Variants in KCNQ1 observed in about 807,000 individuals in gnomAD.
KCNQ1 encodes the protein potassium voltage-gated channel subfamily KQT member 1.
In KCNQ1, 49 loss-of-function variants were observed where a neutral mutation model predicts 72.4. The observed-to-expected ratio is 0.68, with a 90% CI of 0.54 to 0.86. The LOEUF (loss-of-function observed/expected upper bound fraction) is 0.86. Among genes scored for constraint, KCNQ1 ranks in the 40% least tolerant of loss-of-function variants. The pLI, the probability that KCNQ1 is intolerant of heterozygous loss-of-function variation, is 0.00. For missense variants in KCNQ1, 790 were observed against 945.1 expected (o/e 0.84, Z 2.15); for synonymous variants, 450 against 412.6 (o/e 1.09, Z -1.10).
rs181643148 is a variant in KCNQ1 at position 2,711,067 on chromosome 11, G to A, written c.1514+48986G>A. ...TTGAATCTGTAGGTCAACTTGGGGA[G>A]TATTGCCATCTTAACAATGTGTTAA... On this transcript the variant is annotated intron_variant, in intron 11 of 15. Transcript: ENST00000155840. The surrounding 1 kb of genome is among the most constrained non-coding windows in gnomAD (Gnocchi z 5.4). Among the ~76,000 whole-genome samples, 36 of 152,356 alleles carry A rather than the reference G, an allele frequency of 2.4e-4. No homozygotes were observed. Among genetic ancestry groups the A allele is most frequent in the African/African-American group, 8.4e-4 (35 of 41,574 alleles).
In KCNQ1 at chr11:2,451,295, C is replaced by T. The variant is rs1327697855; in HGVS notation, c.386+5811C>T. Among the ~76,000 whole-genome samples, 1 of 152,170 alleles carries T rather than the reference C, an allele frequency of 6.6e-6. No individual in the cohort carries two copies. Among genetic ancestry groups the T allele is most frequent in the Admixed American group, 6.5e-5 (1 of 15,282 alleles). On this transcript the variant is annotated intron_variant, in intron 1 of 15. Coordinates refer to ENST00000155840, the MANE Select transcript of KCNQ1 (RefSeq NM_000218.3). The surrounding 1 kb of genome is among the most constrained non-coding windows in gnomAD (Gnocchi z 6.4). ...GCGTGCAACCTAGATCCCTTGTGTG[C>T]GCAGTTCACAATAGGATTTGTGCTC...
rs1165780426 is a variant in KCNQ1, at chr11:2,549,593, GGAC to G, written c.478-21034_478-21032del. Reference sequence around the variant, plus strand: ...TCGTGACCTGCTCATAGCACAGCTGGGACACTTCCAGTGACTGCTCTGCGAGGC... The same window carrying G: ...TCGTGACCTGCTCATAGCACAGCTGGACTTCCAGTGACTGCTCTGCGAGGC... On this transcript the variant is annotated intron_variant, in intron 2 of 15. Coordinates refer to ENST00000155840, the MANE Select transcript of KCNQ1 (RefSeq NM_000218.3). This position sits in a 1 kb window ranked among gnomAD's most constrained non-coding sequence, Gnocchi z 6.2. Among the ~76,000 whole-genome samples, 1 of 151,608 alleles carries G rather than the reference GGAC, an allele frequency of 6.6e-6. No individual in the cohort carries two copies.
Position 2,566,426 on chromosome 11 carries a change from C to T in KCNQ1, c.478-4202C>T, listed in dbSNP as rs566565619. Among the ~76,000 whole-genome samples, 5 of 152,276 alleles carry T rather than the reference C, an allele frequency of 3.3e-5. No individual in the cohort carries two copies. The highest frequency in any genetic ancestry group is 2.0e-4 in the Admixed American group (3 of 15,300). On this transcript the variant is annotated intron_variant, in intron 2 of 15. Coordinates refer to ENST00000155840, the MANE Select transcript of KCNQ1 (RefSeq NM_000218.3). The surrounding 1 kb of genome is among the most constrained non-coding windows in gnomAD (Gnocchi z 6.7). ...TGCCATGGACGCCAGTCTTCCCTCC[C>T]CTAAGCTGCGGGTGACCTGACCTAG...
chr11:2,693,270 T>A lies in KCNQ1; in HGVS notation c.1514+31189T>A, dbSNP rs1850618110. 7.5e-6 allele frequency: 3 copies of A among 398,546 alleles called. No individual in the cohort carries two copies. The South Asian group carries it at 3.8e-4, about 51-fold the overall frequency. 24.7% of individuals were successfully genotyped at this position (398,546 alleles called of 1,614,324 possible). ...CTGTACAGCTACCAGGCTTAACAAC[T>A]CAGATGCACACCCTCCACAACTGCT... is the stretch of plus-strand genomic sequence containing the variant. On this transcript the variant is annotated intron_variant, in intron 11 of 15. Coordinates refer to ENST00000155840, the MANE Select transcript of KCNQ1 (RefSeq NM_000218.3).
In KCNQ1 at chr11:2,494,067, C is replaced by T. The variant is rs534538150; in HGVS notation, c.387-33861C>T. Among the ~76,000 whole-genome samples the T allele has an allele frequency of 2.4e-4, 37 of 152,200 alleles. 1 individual carries two copies. In the South Asian group the frequency reaches 5.6e-3, roughly 23 times the overall value. On this transcript the variant is annotated intron_variant, in intron 1 of 15. Transcript: ENST00000155840. The surrounding 1 kb of genome is among the most constrained non-coding windows in gnomAD (Gnocchi z 4.6). ...CTCCTTGAAGAGGTCCTTCACATCC[C>T]TTGTAAGTTGTATTCCTAGGTATTT...
At chr11:2,730,384 G>T (rs1027971091) in intron 11 of KCNQ1, among the ~76,000 whole-genome samples, 4 of 152,222 alleles carry the variant, frequency 2.6e-5, no homozygotes, top group African/African-American at 9.6e-5. Context: ...CTACATTCAA[G>T]GAGCCAGCAG....
In KCNQ1 at chr11:2,655,476, C is replaced by G. The variant is rs1054716100; in HGVS notation, c.1394-6485C>G. The G allele has an allele frequency of 7.5e-6, 3 of 398,674 alleles. No homozygotes were observed. In the East Asian group the frequency reaches 1.1e-4, roughly 14 times the overall value. 24.7% of individuals were successfully genotyped at this position (398,674 alleles called of 1,614,324 possible). A position where few individuals can be genotyped will look rare whatever the true frequency, so the allele number is the denominator to read the frequency against. On this transcript the variant is annotated intron_variant, in intron 10 of 15. Coordinates refer to ENST00000155840, the MANE Select transcript of KCNQ1 (RefSeq NM_000218.3). ...GCACCTGGCATTGCTCCGGTACCTC[C>G]TGCAGAGCCTGGATATCCAGATGAA...
rs1221400109 is a variant in KCNQ1 at position 2,482,534 on chromosome 11, C to G, written c.386+37050C>G. On this transcript the variant is annotated intron_variant, in intron 1 of 15. Transcript: ENST00000155840. The surrounding 1 kb of genome is among the most constrained non-coding windows in gnomAD (Gnocchi z 5.7). ...ATTTGCAGGAGAAGACTGACAGGAT[C>G]AAAGGGTTCCTGCATTTTTATGGCT... 1.3e-5 allele frequency among the ~76,000 whole-genome samples: 2 copies of G among 152,128 alleles called. No individual in the cohort carries two copies. The highest frequency in any genetic ancestry group is 3.9e-4 in the East Asian group (2 of 5,184).
In KCNQ1 at chr11:2,559,041, C is replaced by T. The variant is rs561319831; in HGVS notation, c.478-11587C>T. On this transcript the variant is annotated intron_variant, in intron 2 of 15. Transcript: ENST00000155840. The surrounding 1 kb of genome is among the most constrained non-coding windows in gnomAD (Gnocchi z 4.9). ...GACAAATGTCAAGAGTTTGCAGTTACTCCCAGAGCTACGGACAAGGGGCAA... is the reference window on the plus strand; with the variant it reads ...GACAAATGTCAAGAGTTTGCAGTTATTCCCAGAGCTACGGACAAGGGGCAA... Among the ~76,000 whole-genome samples, 6 of 152,284 alleles carry T rather than the reference C, an allele frequency of 3.9e-5. No homozygotes were observed. Among genetic ancestry groups the T allele is most frequent in the Non-Finnish European group, 8.8e-5 (6 of 68,020 alleles).
At position 2,516,873 on chromosome 11, in the gene KCNQ1, C is replaced by T. The variant is rs2237871; in HGVS notation, c.387-11055C>T. 0.14 allele frequency among the ~76,000 whole-genome samples: 20,698 copies of T among 152,124 alleles called. 1,779 individuals carry two copies. Among genetic ancestry groups the T allele is most frequent in the East Asian group, 0.41 (2,117 of 5,148 alleles). On this transcript the variant is annotated intron_variant, in intron 1 of 15. Coordinates refer to ENST00000155840, the MANE Select transcript of KCNQ1 (RefSeq NM_000218.3). The surrounding 1 kb of genome is among the most constrained non-coding windows in gnomAD (Gnocchi z 7.0). ...TTCTGGCCCCTCCTGATCTCTCCCC[C>T]ACCTTGCCACGACCCCCCAGAGTTT...
At position 2,678,026 on chromosome 11, in the gene KCNQ1, TTC is replaced by T. The variant is rs1554905828; in HGVS notation, c.1514+15947_1514+15948del. Reference sequence around the variant, plus strand: ...TCCAAATGCTTAAAATCATTTGTTTTTCTTTCTTGTGAACTATTTCTTCATAC... The same window carrying T: ...TCCAAATGCTTAAAATCATTTGTTTTTTTCTTGTGAACTATTTCTTCATAC... On this transcript the variant is annotated intron_variant, in intron 11 of 15. Coordinates refer to ENST00000155840, the MANE Select transcript of KCNQ1 (RefSeq NM_000218.3). This position sits in a 1 kb window ranked among gnomAD's most constrained non-coding sequence, Gnocchi z 4.9. 5 of 398,200 alleles carry T rather than the reference TTC, an allele frequency of 1.3e-5. No individual in the cohort carries two copies. The highest frequency in any genetic ancestry group is 1.0e-4 in the African/African-American group (5 of 48,526). The allele number at this position is 398,200 out of a possible 1,614,324, so 24.7% of individuals were successfully genotyped here.
At position 2,787,867 on chromosome 11, in the gene KCNQ1, A is replaced by AAATTTT. The variant is rs1846941469; in HGVS notation, c.1794+9842_1794+9847dup. The stretch of plus-strand genomic sequence containing the variant: ...ATAACCGAATGAAGGATCTATCTTT[A>AAATTTT]AATTTTAATTTTAATTTATTAAAAT... On this transcript the variant is annotated intron_variant, in intron 15 of 15. Coordinates refer to ENST00000155840, the MANE Select transcript of KCNQ1 (RefSeq NM_000218.3). This position sits in a 1 kb window ranked among gnomAD's most constrained non-coding sequence, Gnocchi z 6.3. 7.7e-6 allele frequency among the ~76,000 whole-genome samples: 1 copy of AAATTTT among 129,388 alleles called. No individual in the cohort carries two copies. The highest frequency in any genetic ancestry group is 3.0e-5 in the African/African-American group (1 of 33,482). The allele number at this position is 129,388 out of a possible 152,430, so 84.9% of individuals were successfully genotyped here.
chr11:2,678,486 T>G lies in KCNQ1; in HGVS notation c.1514+16405T>G. Reference sequence around the variant, plus strand: ...CTTTATCATATTTCAAACTCTCATTTAATTTGTGTCCATTTCTAGACTCTA... The same window carrying G: ...CTTTATCATATTTCAAACTCTCATTGAATTTGTGTCCATTTCTAGACTCTA... On this transcript the variant is annotated intron_variant, in intron 11 of 15. Transcript: ENST00000155840. The surrounding 1 kb of genome is among the most constrained non-coding windows in gnomAD (Gnocchi z 4.9). 2.5e-6 allele frequency: 1 copy of G among 398,582 alleles called. No homozygotes were observed. The highest frequency in any genetic ancestry group is 4.4e-6 in the Non-Finnish European group (1 of 226,048). 24.7% of individuals were successfully genotyped at this position (398,582 alleles called of 1,614,324 possible).
In KCNQ1 at chr11:2,583,564, C is replaced by A; in HGVS notation, c.1032+19C>A. The A allele has an allele frequency of 1.3e-6, 2 of 1,559,340 alleles. No homozygotes were observed. Among genetic ancestry groups the A allele is most frequent in the Non-Finnish European group, 1.8e-6 (2 of 1,130,236 alleles). On this transcript the variant is annotated intron_variant, in intron 7 of 15. Coordinates refer to ENST00000155840, the MANE Select transcript of KCNQ1 (RefSeq NM_000218.3). ...CCCAGCGGTAGGTGCCCCGTGGGTG[C>A]GTTTTCCCTGGCTCCTTGGACAGCT...
In KCNQ1 at chr11:2,826,223, TA is replaced by T. The variant is rs1452919647; in HGVS notation, c.1795-21543del. The stretch of plus-strand genomic sequence containing the variant: ...TTTCATGTCAGCTGCATTTTAAGGC[TA>T]CATTTCACGTCAGCTGTGACTTGGA... On this transcript the variant is annotated intron_variant, in intron 15 of 15. Coordinates refer to ENST00000155840, the MANE Select transcript of KCNQ1 (RefSeq NM_000218.3). The surrounding 1 kb of genome is among the most constrained non-coding windows in gnomAD (Gnocchi z 4.2). Among the ~76,000 whole-genome samples the T allele has an allele frequency of 1.3e-5, 2 of 152,216 alleles. No homozygotes were observed. The highest frequency in any genetic ancestry group is 2.4e-5 in the African/African-American group (1 of 41,444).
chr11:2,448,681 G>A (rs1044624718), intron 1 of KCNQ1, among the ~76,000 whole-genome samples: 2 of 152,222 alleles, frequency 1.3e-5, no homozygotes, highest in Non-Finnish European at 2.9e-5. Context: ...TCTTCTTTAA[G>A]ATCTGTCCAC....
rs1850360560 is a variant in KCNQ1 at position 2,679,886 on chromosome 11, A to G, written c.1514+17805A>G. On this transcript the variant is annotated intron_variant, in intron 11 of 15. Coordinates refer to ENST00000155840, the MANE Select transcript of KCNQ1 (RefSeq NM_000218.3). This position sits in a 1 kb window ranked among gnomAD's most constrained non-coding sequence, Gnocchi z 4.8. ...TATAAACTTAGAACTAGCACGCCTAATTTTTTTTTTATTTTTATTTTTTTT... is the reference window on the plus strand; with the variant it reads ...TATAAACTTAGAACTAGCACGCCTAGTTTTTTTTTTATTTTTATTTTTTTT... 4 of 381,654 alleles carry G rather than the reference A, an allele frequency of 1.0e-5. No individual in the cohort carries two copies. The highest frequency in any genetic ancestry group is 8.4e-5 in the African/African-American group (4 of 47,700). 23.6% of individuals were successfully genotyped at this position (381,654 alleles called of 1,614,324 possible).
chr11:2,500,879 T>TGGGGG (rs60612337), intron 1 of KCNQ1, among the ~76,000 whole-genome samples: 1 of 128,436 alleles, frequency 7.8e-6, no homozygotes, highest in Non-Finnish European at 1.6e-5. Context: ...TGTTGGGGGG[T>TGGGGG]GGGGGCAAGG....
chr11:2,835,074 G>A (rs1424717994), intron 15 of KCNQ1, among the ~76,000 whole-genome samples: 1 of 152,152 alleles, frequency 6.6e-6, no homozygotes, highest in Admixed American at 6.5e-5. Flanking sequence ...GCCCTGTCCT[G>A]GGTGCAGGCC....
Sources: gnomAD v4.1 joint callset for allele counts (sites outside exome capture counted in the v4.1 genomes callset) on GRCh38, gnomAD v4.1.1 for gene constraint, Gnocchi (gnomAD v3.1) non-coding constraint, MANE v1.5 for transcripts, NCBI Gene and HGNC (gene_info 2026-07-23, HGNC 2026-07-21) for gene names.